The following NPIPB6 variants were observed in gnomAD, a reference collection of about 807,000 sequenced individuals.
NPIPB6 encodes the protein nuclear pore complex interacting protein family member B6.
NPIPB6 carries 2 observed loss-of-function variants against 20.0 expected under a neutral mutation model. The observed-to-expected ratio is 0.10, with a 90% CI of 0.04 to 0.31. NPIPB6 has a LOEUF of 0.31. Ranked by LOEUF, NPIPB6 falls within the 10% of genes least tolerant of loss-of-function variation. The pLI, the probability that NPIPB6 is intolerant of heterozygous loss-of-function variation, is 1.00. For synonymous variants in NPIPB6, 35 were observed against 116.3 expected, an observed-to-expected ratio of 0.30 and a Z score of 4.50; for missense variants, 96 against 293.7, an observed-to-expected ratio of 0.33 and a Z score of 4.92.
intron 2 of NPIPB6, among the ~76,000 whole-genome samples, chr16:28,350,256 C>T (rs2045199639): frequency 1.0e-5 from 1 of 97,672 alleles, no homozygotes; most frequent in African/African-American, 3.5e-5. Flanking sequence ...TACACTTCAA[C>T]ACGGTTAGAT....
intron 1 of NPIPB6, among the ~76,000 whole-genome samples, chr16:28,360,708 A>G (rs2045412770): frequency 7.4e-6 from 1 of 135,428 alleles, no homozygotes; most frequent in Non-Finnish European, 1.7e-5. Context: ...GACCCAAGAG[A>G]TGTGAGTGGA....
chr16:28,361,224 GCA>G (rs2045423380), intron 1 of NPIPB6, among the ~76,000 whole-genome samples: 1 of 97,500 alleles, frequency 1.0e-5, no homozygotes, highest in Admixed American at 1.0e-4. Context: ...CCAGGGCCTG[GCA>G]CACACAGTCA....
At chr16:28,361,866 CTAATT>C (rs1396630690) in intron 1 of NPIPB6, among the ~76,000 whole-genome samples, 1 of 150,062 alleles carries the variant, frequency 6.7e-6, no homozygotes, top group Non-Finnish European at 1.5e-5. Context: ...AACTTAATGA[CTAATT>C]TAATTATTAC....
chr16:28,358,420 CAG>C (rs1417508342), intron 1 of NPIPB6, among the ~76,000 whole-genome samples: 6 of 19,210 alleles, frequency 3.1e-4, no homozygotes, highest in African/African-American at 1.1e-3. Context: ...AAAAACAAAA[CAG>C]GGGCTGGGTG....
At chr16:28,348,238 C>A (rs1195523569) in intron 4 of NPIPB6, among the ~76,000 whole-genome samples, 1 of 112,358 alleles carries the variant, frequency 8.9e-6, no homozygotes, top group Admixed American at 1.0e-4. Flanking sequence ...TGCACCATAG[C>A]ACTCCAGCCA....
intron 1 of NPIPB6, among the ~76,000 whole-genome samples, chr16:28,356,166 G>T: frequency 2.5e-5 from 2 of 80,544 alleles, no homozygotes; most frequent in East Asian, 3.7e-4. Flanking sequence ...CAAACCAGAT[G>T]ACACAAATCA....
At chr16:28,355,906 G>A (rs1196959418) in intron 1 of NPIPB6, among the ~76,000 whole-genome samples, 1 of 119,996 alleles carries the variant, frequency 8.3e-6, no homozygotes, top group African/African-American at 2.9e-5. Context: ...CCCAGCACTG[G>A]GAGGCCGAGG....
intron 4 of NPIPB6, among the ~76,000 whole-genome samples, chr16:28,345,044 C>CG (rs1235829184): frequency 2.2e-5 from 2 of 89,694 alleles, no homozygotes; most frequent in African/African-American, 7.1e-5. Flanking sequence ...AAAGATTAGC[C>CG]GGGCGTGGTG....
At chr16:28,360,564 C>T (rs1406964083) in intron 1 of NPIPB6, among the ~76,000 whole-genome samples, 1 of 137,214 alleles carries the variant, frequency 7.3e-6, no homozygotes, top group Admixed American at 7.5e-5. Flanking sequence ...CATCAGTTCC[C>T]CACTCTCCTC....
At chr16:28,349,851 G>A (rs1406982063) in intron 2 of NPIPB6, among the ~76,000 whole-genome samples, 2 of 75,682 alleles carry the variant, frequency 2.6e-5, no homozygotes, top group Non-Finnish European at 5.5e-5. Flanking sequence ...TTGTGCCATT[G>A]CACTCCAAAC....
rs1486991618 is a variant in NPIPB6, at chr16:28,343,138, C to T, written c.747G>A (p.Trp249Ter). 1 of 1,501,438 alleles carries T rather than the reference C, an allele frequency of 6.7e-7. No individual in the cohort carries two copies. Among genetic ancestry groups the T allele is most frequent in the African/African-American group, 1.4e-5 (1 of 73,358 alleles). The allele number at this position is 1,501,438 out of a possible 1,614,324, so 93.0% of individuals were successfully genotyped here. A position where few individuals can be genotyped will look rare whatever the true frequency, so the allele number is the denominator to read the frequency against. The change falls in exon 7 of 7, where the codon TGG becomes TGA. Residue 249 changes from tryptophan (W) to a stop codon, truncating the protein, a stop_gained. Coordinates refer to ENST00000532254, the Ensembl canonical transcript of NPIPB6. LOFTEE classifies it high-confidence loss of function. ...TTAAAGTTTCAGCTGTGAGGTAGGGCCAGTAGGGCAATCCTGAAGAATGAC... is the reference window on the plus strand; with the variant it reads ...TTAAAGTTTCAGCTGTGAGGTAGGGTCAGTAGGGCAATCCTGAAGAATGAC...
chr16:28,349,927 G>A (rs1479644054), intron 2 of NPIPB6, among the ~76,000 whole-genome samples: 1 of 105,916 alleles, frequency 9.4e-6, no homozygotes, highest in East Asian at 2.7e-4. Flanking sequence ...GCCCAGGTGC[G>A]GTAGCTCACG....
At position 28,361,770 on chromosome 16, in the gene NPIPB6, ATG is replaced by A. The variant is rs1462242029; in HGVS notation, c.120+931_120+932del. On this transcript the variant is annotated intron_variant, in intron 1 of 6. Transcript: ENST00000532254. ...TGTGTGTGTGTGTGTGTGTGTGTGT[ATG>A]TGTGTGTGTGTGTGTATCTATATAA... 8.2e-4 allele frequency among the ~76,000 whole-genome samples: 60 copies of A among 72,768 alleles called. 2 individuals are homozygous for A. Among genetic ancestry groups the A allele is most frequent in the African/African-American group, 1.4e-3 (27 of 19,982 alleles). The allele number at this position is 72,768 out of a possible 152,430, so 47.7% of individuals were successfully genotyped here.
At chr16:28,360,127 T>A (rs1478912481) in intron 1 of NPIPB6, among the ~76,000 whole-genome samples, 5 of 130,240 alleles carry the variant, frequency 3.8e-5, no homozygotes, top group South Asian at 2.2e-4. Context: ...ATGCACAGAA[T>A]ACATGCACGA....
exon 1 of NPIPB6, chr16:28,362,898 G>GA (rs1432870868): frequency 7.8e-7 from 1 of 1,277,692 alleles, no homozygotes; most frequent in East Asian, 2.8e-5. Flanking sequence ...TGAATGAGTG[G>GA]AAAAACAAGG....
intron 1 of NPIPB6, among the ~76,000 whole-genome samples, chr16:28,361,730 A>G (rs1176072756): frequency 5.5e-3 from 552 of 100,702 alleles, no homozygotes; most frequent in African/African-American, 0.02. Context: ...CTCTCTCTAT[A>G]TGTGTGTGTG....
At chr16:28,342,593 T>C (rs2044997371) in exon 7 of NPIPB6, 1 of 1,449,450 alleles carries the variant, frequency 6.9e-7, no homozygotes, top group Non-Finnish European at 9.4e-7. Context: ...TTTGATTTTT[T>C]TCTTTTTTTC....
In NPIPB6 at chr16:28,343,222, T is replaced by C. The variant is rs753157761; in HGVS notation, c.697-34A>G. On this transcript the variant is annotated intron_variant, in intron 6 of 6. Coordinates refer to ENST00000532254, the Ensembl canonical transcript of NPIPB6. ...CCAAAGGAGGGAATGTTTTCACACA[T>C]ATTCATTTGATGGACAAAATTACCA... The C allele has an allele frequency of 5.7e-5, 89 of 1,563,652 alleles. 2 individuals carry two copies. Among genetic ancestry groups the C allele is most frequent in the Non-Finnish European group, 7.2e-5 (84 of 1,162,326 alleles).
chr16:28,349,888 T>G lies in NPIPB6; in HGVS notation c.304-647A>C, dbSNP rs1301858778. On this transcript the variant is annotated intron_variant, in intron 2 of 6. Transcript: ENST00000532254. ...TGGGCAACAAAATTGAAACTCTGTC[T>G]CAAAAAAAAAAAAAAAAAAAAAAAA... is the stretch of plus-strand genomic sequence containing the variant. 3.9e-4 allele frequency among the ~76,000 whole-genome samples: 8 copies of G among 20,298 alleles called. No individual in the cohort carries two copies. In the East Asian group the frequency reaches 0.013, roughly 33 times the overall value. 13.3% of individuals were successfully genotyped at this position (20,298 alleles called of 152,430 possible).
Sources: allele counts gnomAD v4.1 joint callset (sites outside exome capture counted in the v4.1 genomes callset), GRCh38; gene constraint gnomAD v4.1.1; transcripts MANE v1.5; gene names NCBI Gene and HGNC (gene_info 2026-07-23, HGNC 2026-07-21).